The following PRPF8 variants were observed in gnomAD, a reference collection of about 807,000 sequenced individuals.
PRPF8 encodes the protein pre-mRNA-processing-splicing factor 8.
In PRPF8, 64 loss-of-function variants were observed where a neutral mutation model predicts 285.9. That is an observed-to-expected ratio of 0.22 (90% CI 0.18 to 0.28). PRPF8 has a LOEUF of 0.28. Among genes scored for constraint, PRPF8 ranks in the 10% least tolerant of loss-of-function variants. PRPF8 has a pLI of 1.00. For missense variants in PRPF8, 1,426 were observed against 3,026.7 expected, an observed-to-expected ratio of 0.47 and a Z score of 12.41; for synonymous variants, 1,325 against 1,118.2, an observed-to-expected ratio of 1.18 and a Z score of -3.69.
chr17:1,653,155 G>T lies in PRPF8; in HGVS notation c.6369+387C>A. On this transcript the variant is annotated intron_variant, in intron 39 of 42. Transcript: ENST00000304992. This position sits in a 1 kb window ranked among gnomAD's most constrained non-coding sequence, Gnocchi z 4.9. ...GGGTTTCACCATATTGGTCAGGCTG[G>T]TCTCAAACCCCTGACCTCAGGTGAT... 1 of 370,496 alleles carries T rather than the reference G, an allele frequency of 2.7e-6. No individual in the cohort carries two copies. Among genetic ancestry groups the T allele is most frequent in the Non-Finnish European group, 5.2e-6 (1 of 192,630 alleles). 23.0% of individuals were successfully genotyped at this position (370,496 alleles called of 1,614,324 possible).
intron 8 of PRPF8, chr17:1,680,448 C>T (rs760806332): frequency 1.9e-6 from 1 of 537,592 alleles, no homozygotes; most frequent in Non-Finnish European, 3.4e-6. Context: ...AATATAAAGG[C>T]TAAAACAAAC....
At chr17:1,660,906 G>A (rs2151116223) in intron 28 of PRPF8, 79 bp from the exon 29 acceptor site, 1 of 1,612,472 alleles carries the variant, frequency 6.2e-7, no homozygotes, top group Non-Finnish European at 8.5e-7. Context: ...GTGGCTGTCT[G>A]GGAAACACCA....
chr17:1,656,908 A>G, intron 34 of PRPF8, 147 bp from the exon 35 acceptor site: 1 of 799,248 alleles, frequency 1.3e-6, no homozygotes, highest in East Asian at 2.7e-5. Flanking sequence ...TACAAAGAGT[A>G]TCAAATGGCC....
At chr17:1,677,803 G>T in intron 13 of PRPF8, 109 bp from the exon 14 acceptor site, 1 of 1,431,452 alleles carries the variant, frequency 7.0e-7, no homozygotes, top group Non-Finnish European at 9.8e-7. Context: ...ACAGAGGAAT[G>T]TAGGTATGGC....
rs747987730 is a variant in PRPF8 at position 1,650,830 on chromosome 17, G to C, written c.6980C>G (p.Ser2327Cys). 2.5e-6 allele frequency: 4 copies of C among 1,614,148 alleles called. No individual in the cohort carries two copies. The South Asian group carries it at 3.3e-5, about 13-fold the overall frequency. The change falls in exon 43 of 43, where the codon TCT becomes TGT. Residue 2327 changes from serine (S) to cysteine (C), a missense_variant. Coordinates refer to ENST00000304992, the MANE Select transcript of PRPF8 (RefSeq NM_006445.4). ...FALLQEGEVY[S>C]ADREDLYA ...GGCATACAGGTCCTCCCGATCCGCA[G>C]AGTAAACCTCCCCCTCCTGCAGGAG...
chr17:1,682,213 G>A lies in PRPF8; in HGVS notation c.350C>T (p.Pro117Leu). The A allele has an allele frequency of 6.2e-7, 1 of 1,614,126 alleles. No individual in the cohort carries two copies. The highest frequency in any genetic ancestry group is 2.2e-5 in the East Asian group (1 of 44,882). ...GGCTCCAGTGATGTGGTACAGCACAGGCACATCCCGAATCTGCTCCCAAGG... is the reference window on the plus strand; with the variant it reads ...GGCTCCAGTGATGTGGTACAGCACAAGCACATCCCGAATCTGCTCCCAAGG... Reference protein sequence around the residue: ...PMPWEQIRDVPVLYHITGAIS... With the variant: ...PMPWEQIRDVLVLYHITGAIS... Residue 117 changes from proline to leucine, a missense_variant, in exon 4 of 43, where the codon CCT becomes CTT. This residue lies in a region of PRPF8 where 96 missense variants were observed against 188.3 expected (regional missense o/e 0.51). Coordinates refer to ENST00000304992, the MANE Select transcript of PRPF8 (RefSeq NM_006445.4).
At chr17:1,654,081 A>C in intron 37 of PRPF8, 65 bp from the exon 38 acceptor site, 1 of 1,612,578 alleles carries the variant, frequency 6.2e-7, no homozygotes. Flanking sequence ...GCCTCAATGG[A>C]AAGGGTGTAA....
chr17:1,664,359 C>T (rs1257008797), intron 24 of PRPF8, among the ~76,000 whole-genome samples: 1 of 152,096 alleles, frequency 6.6e-6, no homozygotes, highest in South Asian at 2.1e-4. Context: ...CAAAAAATAT[C>T]ACTAAGGATA....
In PRPF8 at chr17:1,679,197, G is replaced by A; in HGVS notation, c.1419C>T (p.Phe473=). The part of the protein sequence containing the change: ...PPKAQKKRYL[F]RSFKATKFFQ... ...AGAATTTGGTGGCTTTGAAGGAGCGGAACAAATACCTGAGGTGGGAACATG... is the reference window on the plus strand; with the variant it reads ...AGAATTTGGTGGCTTTGAAGGAGCGAAACAAATACCTGAGGTGGGAACATG... Residue 473 remains phenylalanine (F), a synonymous_variant, in exon 11 of 43, where the codon TTC becomes TTT. Transcript: ENST00000304992. This position sits in a 1 kb window ranked among gnomAD's most constrained non-coding sequence, Gnocchi z 4.7. The A allele has an allele frequency of 6.2e-7, 1 of 1,614,192 alleles. No homozygotes were observed. Among genetic ancestry groups the A allele is most frequent in the Non-Finnish European group, 8.5e-7 (1 of 1,180,042 alleles).
Position 1,673,174 on chromosome 17 carries a change from C to A in PRPF8, c.3681G>T (p.Gln1227His). The A allele has an allele frequency of 6.2e-7, 1 of 1,614,244 alleles. No individual in the cohort carries two copies. Among genetic ancestry groups the A allele is most frequent in the Non-Finnish European group, 8.5e-7 (1 of 1,180,042 alleles). The change falls in exon 24 of 43, where the codon CAG (glutamine) becomes CAT (histidine). Residue 1227 changes from glutamine (Q) to histidine (H), a missense_variant. Transcript: ENST00000304992. The surrounding 1 kb of genome is among the most constrained non-coding windows in gnomAD (Gnocchi z 5.5). ...QNEVTKERTAQCFLRVDDESM... is the reference protein window; with the variant it reads ...QNEVTKERTAHCFLRVDDESM... ...ACTCATCGTCCACACGCAGGAAACA[C>A]TGAGCTGTGCGCTCCTTAGTAACCT...
Position 1,659,598 on chromosome 17 carries a change from T to C in PRPF8, c.4947-50A>G, listed in dbSNP as rs1216215958. The C allele has an allele frequency of 2.5e-6, 4 of 1,605,686 alleles. No individual in the cohort carries two copies. In the East Asian group the frequency reaches 8.9e-5, roughly 36 times the overall value. ...TCTAAGAAACCATGGGCATAACCAA[T>C]GTCCCCAGAACCAGAACCACTTAAA... On this transcript the variant is annotated intron_variant, in intron 31 of 42. Coordinates refer to ENST00000304992, the MANE Select transcript of PRPF8 (RefSeq NM_006445.4). The surrounding 1 kb of genome is among the most constrained non-coding windows in gnomAD (Gnocchi z 5.1).
intron 3 of PRPF8, 60 bp downstream of exon 3, chr17:1,683,473 G>A (rs572490155): frequency 1.9e-6 from 3 of 1,570,686 alleles, no homozygotes; most frequent in Non-Finnish European, 2.6e-6. Context: ...CAAGACTGTG[G>A]GACAGGGAGA....
chr17:1,679,426 C>T lies in PRPF8; in HGVS notation c.1290-16G>A. The T allele has an allele frequency of 6.2e-7, 1 of 1,612,268 alleles. No homozygotes were observed. The highest frequency in any genetic ancestry group is 1.7e-5 in the Admixed American group (1 of 59,984). On this transcript the variant is annotated splice_polypyrimidine_tract_variant and intron_variant, in intron 9 of 42. Coordinates refer to ENST00000304992, the MANE Select transcript of PRPF8 (RefSeq NM_006445.4). This position sits in a 1 kb window ranked among gnomAD's most constrained non-coding sequence, Gnocchi z 4.7. ...CTCCCGATACCTGGAAAAATAAGCC[C>T]ACCAGAGTTTGGCCATCTCTTCTTC... is the stretch of plus-strand genomic sequence containing the variant.
rs781143256 is a variant in PRPF8, at chr17:1,659,712, G to A, written c.4946+129C>T. 2 of 1,375,414 alleles carry A rather than the reference G, an allele frequency of 1.5e-6. No individual in the cohort carries two copies. Among genetic ancestry groups the A allele is most frequent in the Non-Finnish European group, 2.0e-6 (2 of 991,320 alleles). The allele number at this position is 1,375,414 out of a possible 1,614,324, so 85.2% of individuals were successfully genotyped here. ...CAGATCTGACTAAGGGTGTTGACAGGCTCCAAGCGTAGCACTGGCTCCAAG... is the reference window on the plus strand; with the variant it reads ...CAGATCTGACTAAGGGTGTTGACAGACTCCAAGCGTAGCACTGGCTCCAAG... On this transcript the variant is annotated intron_variant, in intron 31 of 42. Transcript: ENST00000304992. This position sits in a 1 kb window ranked among gnomAD's most constrained non-coding sequence, Gnocchi z 5.1.
At chr17:1,682,352 C>G in intron 3 of PRPF8, 59 bp from the exon 4 acceptor site, 2 of 1,573,528 alleles carry the variant, frequency 1.3e-6, no homozygotes, top group Admixed American at 1.7e-5. Context: ...GCTACCTGTC[C>G]CATGCAGAGA....
chr17:1,654,769 T>A (rs1708796898), intron 37 of PRPF8: 2 of 165,208 alleles, frequency 1.2e-5, no homozygotes, highest in Admixed American at 1.1e-4. Context: ...AAGCTGGGAC[T>A]ACAAGCGTGT....
In PRPF8 at chr17:1,676,796, A is replaced by G; in HGVS notation, c.2182-85T>C. ...GTAGTCCCGGCTACTCAGGAGGCTA[A>G]GGAGGATCGCTTGAGCTCAGGAGCT... On this transcript the variant is annotated intron_variant, in intron 15 of 42. Transcript: ENST00000304992. The surrounding 1 kb of genome is among the most constrained non-coding windows in gnomAD (Gnocchi z 6.3). 6.5e-7 allele frequency: 1 copy of G among 1,533,964 alleles called. No homozygotes were observed. Among genetic ancestry groups the G allele is most frequent in the Non-Finnish European group, 9.0e-7 (1 of 1,115,044 alleles).
At position 1,658,667 on chromosome 17, in the gene PRPF8, T is replaced by C; in HGVS notation, c.5235A>G (p.Glu1745=). The C allele has an allele frequency of 1.9e-6, 3 of 1,614,198 alleles. No individual in the cohort carries two copies. The highest frequency in any genetic ancestry group is 2.5e-6 in the Non-Finnish European group (3 of 1,180,036). ...KANPALYVLR[E]RIRKGLQLYS... ...AGAGCTGTAGCCCCTTGCGGATCCGTTCACGTAACACATACAGGGCAGGGT... is the reference window on the plus strand; with the variant it reads ...AGAGCTGTAGCCCCTTGCGGATCCGCTCACGTAACACATACAGGGCAGGGT... Residue 1745 remains glutamate (E), a synonymous_variant, in exon 33 of 43, where the codon GAA becomes GAG. Coordinates refer to ENST00000304992, the MANE Select transcript of PRPF8 (RefSeq NM_006445.4). The surrounding 1 kb of genome is among the most constrained non-coding windows in gnomAD (Gnocchi z 4.1).
rs200346590 is a variant in PRPF8 at position 1,659,031 on chromosome 17, A to ATTG, written c.5139-269_5139-268insCAA. ...GATTATTTATTTATTTATTATTATT[A>ATTG]TTATTTTTCTTTGAGATGGAGTCTC... On this transcript the variant is annotated intron_variant, in intron 32 of 42. Transcript: ENST00000304992. This position sits in a 1 kb window ranked among gnomAD's most constrained non-coding sequence, Gnocchi z 5.1. 0.035 allele frequency: 17,360 copies of ATTG among 497,708 alleles called. 414 individuals are homozygous for ATTG. The highest frequency in any genetic ancestry group is 0.06 in the Middle Eastern group (113 of 1,882). 30.8% of individuals were successfully genotyped at this position (497,708 alleles called of 1,614,324 possible). A position where few individuals can be genotyped will look rare whatever the true frequency, so the allele number is the denominator to read the frequency against.
Sources: gnomAD v4.1 joint callset for allele counts (sites outside exome capture counted in the v4.1 genomes callset) on GRCh38, gnomAD v4.1.1 for gene constraint, gnomAD v4.1.1 regional missense constraint, Gnocchi (gnomAD v3.1) non-coding constraint, MANE v1.5 for transcripts, NCBI Gene and HGNC (gene_info 2026-07-23, HGNC 2026-07-21) for gene names.